Variants in MAGI1 observed in about 807,000 individuals in gnomAD.
MAGI1 encodes membrane associated guanylate kinase, WW and PDZ domain containing 1, also known as membrane-associated guanylate kinase, WW and PDZ domain-containing protein 1.
Under a neutral mutation model 139.9 loss-of-function variants are expected in MAGI1, and 58 were observed. That is an observed-to-expected ratio of 0.41 (90% CI 0.34 to 0.52). The LOEUF (loss-of-function observed/expected upper bound fraction) is 0.52. Among genes scored for constraint, MAGI1 ranks in the 20% least tolerant of loss-of-function variants. The probability of loss-of-function intolerance (pLI) is 0.12; values close to 1 mark genes in which losing one functional copy is unlikely to be tolerated. For missense variants in MAGI1, 1,874 were observed against 1,901.6 expected (o/e 0.99, Z 0.27); for synonymous variants, 812 against 737.9 (o/e 1.10, Z -1.63).
chr3:65,762,067 C>G (rs1041084680), intron 1 of MAGI1, among the ~76,000 whole-genome samples: 7 of 152,034 alleles, frequency 4.6e-5, no homozygotes, highest in Non-Finnish European at 1.0e-4. Context: ...TGGGAACTGC[C>G]TCATTTTTTC....
intron 12 of MAGI1, among the ~76,000 whole-genome samples, chr3:65,429,120 T>A (rs11920349): frequency 0.11 from 16,010 of 151,792 alleles, 1,042 homozygotes; most frequent in Middle Eastern, 0.19. Flanking sequence ...TTATTATTTT[T>A]TATATATATA....
chr3:65,577,986 GAATA>G (rs2081248680), intron 2 of MAGI1, among the ~76,000 whole-genome samples: 2 of 152,298 alleles, frequency 1.3e-5, no homozygotes, highest in South Asian at 2.1e-4. Flanking sequence ...TAACTTGAAT[GAATA>G]AATAATGTGA....
chr3:65,754,766 C>T (rs2036429221), intron 1 of MAGI1, among the ~76,000 whole-genome samples: 1 of 152,130 alleles, frequency 6.6e-6, no homozygotes, highest in African/African-American at 2.4e-5. Context: ...ACATCTTAGC[C>T]AACCAGTTTG....
At chr3:66,032,265 G>A (rs747669072) in intron 1 of MAGI1, among the ~76,000 whole-genome samples, 2 of 151,974 alleles carry the variant, frequency 1.3e-5, no homozygotes, top group African/African-American at 4.8e-5. Context: ...AGGCTGGAGT[G>A]CAGTGGCGCG....
At chr3:66,002,759 G>C (rs1466331261) in intron 1 of MAGI1, among the ~76,000 whole-genome samples, 1 of 151,998 alleles carries the variant, frequency 6.6e-6, no homozygotes, top group East Asian at 1.9e-4. Context: ...CAGGTGATCT[G>C]CCCACCTCAG....
chr3:65,923,477 G>A lies in MAGI1; in HGVS notation c.313+114519C>T, dbSNP rs184506315. ...CTTGACCTCATGATCCGCCCACCTCGGCCTCCCAAAGTGCTGGGATTACAG... is the reference window on the plus strand; with the variant it reads ...CTTGACCTCATGATCCGCCCACCTCAGCCTCCCAAAGTGCTGGGATTACAG... On this transcript the variant is annotated intron_variant, in intron 1 of 22. Coordinates refer to ENST00000402939, the MANE Select transcript of MAGI1 (RefSeq NM_001033057.2). Among the ~76,000 whole-genome samples, 22 of 151,948 alleles carry A rather than the reference G, an allele frequency of 1.4e-4. No individual in the cohort carries two copies. In the East Asian group the frequency reaches 4.3e-3, roughly 29 times the overall value.
intron 22 of MAGI1, chr3:65,360,486 A>G (rs916238587): frequency 3.0e-6 from 3 of 985,234 alleles, no homozygotes; most frequent in Non-Finnish European, 3.6e-6. Context: ...AAGTCTAAAG[A>G]TATGACAAAG....
At chr3:65,391,052 CT>C in intron 14 of MAGI1, 89 bp downstream of exon 14, 1 of 1,141,636 alleles carries the variant, frequency 8.8e-7, no homozygotes, top group Non-Finnish European at 1.3e-6. Flanking sequence ...AGTTTACACA[CT>C]GCAACTCATC....
chr3:65,753,002 T>C (rs1454760664), intron 1 of MAGI1, among the ~76,000 whole-genome samples: 2 of 152,216 alleles, frequency 1.3e-5, no homozygotes, highest in African/African-American at 4.8e-5. Context: ...GTAATACCCC[T>C]ATTACAGCAG....
At chr3:65,997,842 C>G (rs2066534096) in intron 1 of MAGI1, among the ~76,000 whole-genome samples, 1 of 152,124 alleles carries the variant, frequency 6.6e-6, no homozygotes, top group African/African-American at 2.4e-5. Flanking sequence ...TTCGCCAACT[C>G]TAGTCTCACA....
In MAGI1 at chr3:65,356,831, C is replaced by G. The variant is rs1254910052; in HGVS notation, c.3936G>C (p.Ala1312=). 6.2e-7 allele frequency: 1 copy of G among 1,612,138 alleles called. No individual in the cohort carries two copies. The highest frequency in any genetic ancestry group is 1.7e-5 in the Admixed American group (1 of 59,884). ...GCCTCTTGGGGCCGTTGGCGGCTGCCGCGCGCTCGGCCTGCGCGTCCCTCC... is the reference window on the plus strand; with the variant it reads ...GCCTCTTGGGGCCGTTGGCGGCTGCGGCGCGCTCGGCCTGCGCGTCCCTCC... The part of the protein sequence containing the change: ...EGRRDAQAER[A]AAANGPKRRS... The change falls in exon 23 of 23, where the codon GCG becomes GCC. Residue 1312 remains alanine, a synonymous_variant. Coordinates refer to ENST00000402939, the MANE Select transcript of MAGI1 (RefSeq NM_001033057.2).
intron 1 of MAGI1, among the ~76,000 whole-genome samples, chr3:65,884,515 T>A (rs1188922074): frequency 6.6e-6 from 1 of 152,224 alleles, no homozygotes; most frequent in African/African-American, 2.4e-5. Context: ...TAAGACAACT[T>A]GAATCCATTT....
intron 1 of MAGI1, among the ~76,000 whole-genome samples, chr3:65,832,429 G>T (rs1447177805): frequency 6.6e-6 from 1 of 152,124 alleles, no homozygotes; most frequent in African/African-American, 2.4e-5. Flanking sequence ...AATCACAAAA[G>T]AATAAAAGGC....
At chr3:65,427,029 T>C (rs1947093302) in intron 12 of MAGI1, among the ~76,000 whole-genome samples, 1 of 151,766 alleles carries the variant, frequency 6.6e-6, no homozygotes, top group African/African-American at 2.4e-5. Flanking sequence ...AATCAAGGAG[T>C]ATAGTCAGGT....
chr3:65,615,328 T>C (rs567264201), intron 2 of MAGI1, among the ~76,000 whole-genome samples: 1 of 152,064 alleles, frequency 6.6e-6, no homozygotes, highest in Non-Finnish European at 1.5e-5. Context: ...CACCCAAAGA[T>C]TTCCAGCAGG....
intron 1 of MAGI1, among the ~76,000 whole-genome samples, chr3:65,698,591 T>C (rs898688086): frequency 4.6e-5 from 7 of 152,116 alleles, no homozygotes; most frequent in Non-Finnish European, 8.8e-5. Context: ...AACTATCTGA[T>C]CTTTGACAAA....
intron 1 of MAGI1, among the ~76,000 whole-genome samples, chr3:65,737,907 G>A (rs11918495): frequency 6.6e-6 from 1 of 152,108 alleles, no homozygotes; most frequent in African/African-American, 2.4e-5. Context: ...CGCCATTAGC[G>A]CATTAAACCT....
At chr3:65,798,965 A>C (rs1010708319) in intron 1 of MAGI1, among the ~76,000 whole-genome samples, 1 of 152,144 alleles carries the variant, frequency 6.6e-6, no homozygotes, top group African/African-American at 2.4e-5. Context: ...CTGTCAAAGT[A>C]TCACAGTGCT....
At chr3:65,670,999 G>T (rs967966714) in intron 1 of MAGI1, among the ~76,000 whole-genome samples, 3 of 152,170 alleles carry the variant, frequency 2.0e-5, no homozygotes, top group African/African-American at 7.2e-5. Flanking sequence ...TGAAACTCAT[G>T]AATTGTAATG....
Sources: gnomAD v4.1 joint callset for allele counts (sites outside exome capture counted in the v4.1 genomes callset) on GRCh38, gnomAD v4.1.1 for gene constraint, MANE v1.5 for transcripts, NCBI Gene and HGNC (gene_info 2026-07-23, HGNC 2026-07-21) for gene names.